CATSPERB: variants seen among roughly 807,000 people sequenced by gnomAD.
CATSPERB encodes the protein cation channel sperm-associated auxiliary subunit beta.
Under a neutral mutation model 128.3 loss-of-function variants are expected in CATSPERB, and 93 were observed. That is an observed-to-expected ratio of 0.72 (90% CI 0.61 to 0.86). The LOEUF (loss-of-function observed/expected upper bound fraction) is 0.86, where lower values mean the gene tolerates loss of function less well. Among genes scored for constraint, CATSPERB ranks in the 40% least tolerant of loss-of-function variants. The probability of loss-of-function intolerance (pLI) is 0.00; values close to 1 mark genes in which losing one functional copy is unlikely to be tolerated. For synonymous variants in CATSPERB, 381 were observed against 448.8 expected (o/e 0.85, Z 1.91); for missense variants, 1,153 against 1,329.5 (o/e 0.87, Z 2.06).
At chr14:91,701,176 G>A (rs1895641009) in intron 7 of CATSPERB, among the ~76,000 whole-genome samples, 1 of 152,146 alleles carries the variant, frequency 6.6e-6, no homozygotes, top group South Asian at 2.1e-4. Context: ...ATGAATGAAT[G>A]TGAGCGGTGA....
chr14:91,697,536 T>C (rs1386851351), intron 7 of CATSPERB, among the ~76,000 whole-genome samples: 1 of 152,198 alleles, frequency 6.6e-6, no homozygotes, highest in Non-Finnish European at 1.5e-5. Flanking sequence ...CTTTACTCCA[T>C]CTTGAGTTAA....
At chr14:91,730,647 T>C (rs1483771403) in intron 1 of CATSPERB, among the ~76,000 whole-genome samples, 1 of 152,174 alleles carries the variant, frequency 6.6e-6, no homozygotes, top group East Asian at 1.9e-4. Flanking sequence ...CCTAGGAGTC[T>C]TGTGTCTTTT....
chr14:91,631,520 T>G (rs1164284675), intron 17 of CATSPERB, among the ~76,000 whole-genome samples: 1 of 151,884 alleles, frequency 6.6e-6, no homozygotes, highest in Non-Finnish European at 1.5e-5. Context: ...AAAAAATTAG[T>G]CAGGCGTGGT....
intron 20 of CATSPERB, among the ~76,000 whole-genome samples, chr14:91,615,817 G>A (rs559570624): frequency 6.6e-6 from 1 of 151,652 alleles, no homozygotes; most frequent in South Asian, 2.1e-4. Context: ...TAAATACCTC[G>A]ATTTGAAATT....
In CATSPERB at chr14:91,583,714, C is replaced by T. The variant is rs188500220; in HGVS notation, c.3133-2607G>A. Among the ~76,000 whole-genome samples the T allele has an allele frequency of 8.5e-5, 13 of 152,210 alleles. No individual in the cohort carries two copies. The East Asian group carries it at 1.9e-3, about 23-fold the overall frequency. ...GCACAAAAATTCACTTAAATAACCA[C>T]AGTGCAATGATCAAAGTCAAGAAAT... On this transcript the variant is annotated intron_variant, in intron 26 of 26. Transcript: ENST00000256343.
chr14:91,656,529 C>G (rs2139818656), intron 15 of CATSPERB, among the ~76,000 whole-genome samples: 1 of 151,796 alleles, frequency 6.6e-6, no homozygotes, highest in Admixed American at 6.6e-5. Context: ...AGCTTGAAGA[C>G]AGAAATTAAA....
intron 15 of CATSPERB, among the ~76,000 whole-genome samples, chr14:91,658,083 C>A (rs1465044671): frequency 6.6e-6 from 1 of 152,090 alleles, no homozygotes; most frequent in Admixed American, 6.6e-5. Context: ...ATCTACACTC[C>A]CATGTTTATT....
chr14:91,606,944 T>C (rs1045703144), intron 22 of CATSPERB, among the ~76,000 whole-genome samples: 1 of 133,708 alleles, frequency 7.5e-6, no homozygotes, highest in Non-Finnish European at 1.6e-5. Flanking sequence ...GTAGAGGAGG[T>C]GGTTCTTTGT....
intron 14 of CATSPERB, among the ~76,000 whole-genome samples, chr14:91,661,574 C>A (rs1894886851): frequency 7.5e-6 from 1 of 133,760 alleles, no homozygotes; most frequent in African/African-American, 3.0e-5. Context: ...ACTCTGTCAC[C>A]CAGGCTGCAG....
Position 91,693,167 on chromosome 14 carries a change from C to CA in CATSPERB, c.789dup (p.Val264CysfsTer3). ...GATGGATAACGAAGATCTTCACTTA[C>CA]AAAAAGGCCCAAAGAGGTGAGGATA... On this transcript the variant is annotated frameshift_variant, in exon 9 of 27. Coordinates refer to ENST00000256343, the MANE Select transcript of CATSPERB (RefSeq NM_024764.4). LOFTEE classifies it high-confidence loss of function. 1.2e-6 allele frequency: 2 copies of CA among 1,613,714 alleles called. No individual in the cohort carries two copies. The highest frequency in any genetic ancestry group is 1.7e-6 in the Non-Finnish European group (2 of 1,179,836).
chr14:91,590,979 T>C (rs1893389143), intron 23 of CATSPERB, among the ~76,000 whole-genome samples: 1 of 152,032 alleles, frequency 6.6e-6, no homozygotes, highest in South Asian at 2.1e-4. Context: ...GTATAGTCTG[T>C]GTAATAACAG....
intron 2 of CATSPERB, among the ~76,000 whole-genome samples, chr14:91,726,352 C>T (rs1896119819): frequency 6.6e-6 from 1 of 152,234 alleles, no homozygotes; most frequent in African/African-American, 2.4e-5. Context: ...GCTCCTGCAC[C>T]TGCCCATCTG....
At chr14:91,616,931 A>G (rs1185743248) in intron 20 of CATSPERB, among the ~76,000 whole-genome samples, 1 of 151,550 alleles carries the variant, frequency 6.6e-6, no homozygotes, top group Non-Finnish European at 1.5e-5. Context: ...TTTAGTAGAG[A>G]CGGGGTTTCT....
Position 91,669,803 on chromosome 14 carries a change from T to C in CATSPERB, c.1287+11A>G, listed in dbSNP as rs140387798. ...AACTCTAACACAGACTGAAGTTCCA[T>C]GTGTACGCACCTGATTGCCATAAGC... On this transcript the variant is annotated intron_variant, in intron 14 of 26. Transcript: ENST00000256343. 7.7e-5 allele frequency: 123 copies of C among 1,602,334 alleles called. 1 individual carries two copies. In the African/African-American group the frequency reaches 1.4e-3, roughly 18 times the overall value.
intron 22 of CATSPERB, chr14:91,604,987 A>G: frequency 8.6e-7 from 1 of 1,167,880 alleles, no homozygotes; most frequent in Admixed American, 1.7e-5. Context: ...GAAATCTATC[A>G]TTGAGTACAA....
intron 19 of CATSPERB, among the ~76,000 whole-genome samples, chr14:91,621,324 C>A (rs1360264689): frequency 6.6e-6 from 1 of 152,146 alleles, no homozygotes; most frequent in African/African-American, 2.4e-5. Context: ...CGCTTGAACC[C>A]AGGAGGTGGA....
chr14:91,603,450 A>C, intron 22 of CATSPERB: 1 of 1,512,706 alleles, frequency 6.6e-7, no homozygotes, highest in Non-Finnish European at 9.2e-7. Flanking sequence ...TAGTTATACC[A>C]GATGAGTGGG....
At chr14:91,606,668 T>C (rs576549706) in intron 22 of CATSPERB, among the ~76,000 whole-genome samples, 1 of 152,364 alleles carries the variant, frequency 6.6e-6, no homozygotes, top group Non-Finnish European at 1.5e-5. Context: ...AATTTGTATG[T>C]CTTTTTGCTT....
intron 15 of CATSPERB, among the ~76,000 whole-genome samples, chr14:91,648,440 C>T (rs1392855932): frequency 6.6e-6 from 1 of 152,164 alleles, no homozygotes; most frequent in East Asian, 1.9e-4. Context: ...AATTCCTCTA[C>T]ATGGAATGTT....
Sources: gnomAD v4.1 joint callset for allele counts (sites outside exome capture counted in the v4.1 genomes callset) on GRCh38, gnomAD v4.1.1 for gene constraint, MANE v1.5 for transcripts, NCBI Gene and HGNC (gene_info 2026-07-23, HGNC 2026-07-21) for gene names.